SHE: variants seen among roughly 807,000 people sequenced by gnomAD.
SHE encodes the protein Src homology 2 domain containing E.
In SHE, 11 loss-of-function variants were observed where a neutral mutation model predicts 49.8. The ratio of observed to expected loss-of-function variants is 0.22; its 90% CI spans 0.14 to 0.37. The LOEUF is 0.37. SHE is among the 10% of genes least tolerant of loss of function. SHE has a pLI of 1.00. For missense variants in SHE, 624 were observed against 655.5 expected (o/e 0.95, Z 0.52); for synonymous variants, 310 against 278.1 (o/e 1.11, Z -1.14).
intron 2 of SHE, among the ~76,000 whole-genome samples, chr1:154,491,552 C>T (rs1281799692): frequency 6.6e-6 from 1 of 152,218 alleles, no homozygotes; most frequent in Non-Finnish European, 1.5e-5. Context: ...GCACTCTCAC[C>T]CTGCTCTTCT....
At chr1:154,474,455 C>T (rs1373977988) in intron 1 of SHE, among the ~76,000 whole-genome samples, 3 of 152,124 alleles carry the variant, frequency 2.0e-5, no homozygotes, top group Admixed American at 6.5e-5. Flanking sequence ...CCTGTTGGTT[C>T]CTTGGTATAA....
intron 2 of SHE, 104 bp downstream of exon 2, chr1:154,499,008 G>A (rs1692622442): frequency 3.5e-6 from 5 of 1,412,668 alleles, no homozygotes; most frequent in South Asian, 3.0e-5. Flanking sequence ...CAGGATCTGG[G>A]TAAATTGCTT....
intron 2 of SHE, among the ~76,000 whole-genome samples, chr1:154,494,683 G>T (rs943163758): frequency 6.6e-6 from 1 of 152,106 alleles, no homozygotes; most frequent in Non-Finnish European, 1.5e-5. Flanking sequence ...CTTGCTGAAT[G>T]ACATGGTATT....
chr1:154,477,045 C>T (rs1052821543), downstream of SHE, among the ~76,000 whole-genome samples: 4 of 152,188 alleles, frequency 2.6e-5, no homozygotes, highest in African/African-American at 7.2e-5. Context: ...TTTATCAGAG[C>T]TTAAATGACC....
rs1692497253 is a variant in SHE, at chr1:154,495,440, C to T, written c.718+3672G>A. Among the ~76,000 whole-genome samples, 3 of 152,170 alleles carry T rather than the reference C, an allele frequency of 2.0e-5. No homozygotes were observed. The South Asian group carries it at 6.2e-4, about 32-fold the overall frequency. ...ATCTCAGTGATAATTTACTCATAAA[C>T]TCATAAATTCTTAACTTTTAAAAGT... On this transcript the variant is annotated intron_variant, in intron 2 of 5. Transcript: ENST00000304760.
downstream of SHE, among the ~76,000 whole-genome samples, chr1:154,478,764 CTA>C (rs934803763): frequency 7.2e-5 from 11 of 152,222 alleles, no homozygotes; most frequent in African/African-American, 2.7e-4. Flanking sequence ...AACCATTACT[CTA>C]ATTGCTCGGG....
chr1:154,493,086 G>T (rs1294616898), intron 2 of SHE, among the ~76,000 whole-genome samples: 1 of 152,176 alleles, frequency 6.6e-6, no homozygotes, highest in Non-Finnish European at 1.5e-5. Context: ...TTGCAACGAG[G>T]TCCTTCTATT....
chr1:154,500,634 AC>A (rs1407673978), intron 1 of SHE, among the ~76,000 whole-genome samples: 1 of 152,216 alleles, frequency 6.6e-6, no homozygotes, highest in Non-Finnish European at 1.5e-5. Flanking sequence ...GATAAAAACA[AC>A]CAGATCGGAC....
intron 2 of SHE, among the ~76,000 whole-genome samples, chr1:154,492,281 T>G (rs942233651): frequency 6.6e-6 from 1 of 152,154 alleles, no homozygotes; most frequent in Non-Finnish European, 1.5e-5. Context: ...TGGATTAGTC[T>G]GGGGTACAGT....
chr1:154,496,280 AAAGT>A (rs1258113508), intron 2 of SHE, among the ~76,000 whole-genome samples: 2 of 152,254 alleles, frequency 1.3e-5, no homozygotes, highest in African/African-American at 4.8e-5. Flanking sequence ...ACTAGTTTAG[AAAGT>A]TAGTAATTTG....
chr1:154,497,328 C>A (rs1692561458), intron 2 of SHE, among the ~76,000 whole-genome samples: 1 of 152,250 alleles, frequency 6.6e-6, no homozygotes, highest in South Asian at 2.1e-4. Context: ...GAGACAAAGT[C>A]TTTCATGTGG....
At chr1:154,487,048 C>T (rs983712928) in intron 3 of SHE, among the ~76,000 whole-genome samples, 1 of 151,936 alleles carries the variant, frequency 6.6e-6, no homozygotes, top group African/African-American at 2.4e-5. Flanking sequence ...CCAAGGCAGG[C>T]AGATCACAAG....
chr1:154,490,737 T>A (rs1692335883), intron 2 of SHE, among the ~76,000 whole-genome samples: 1 of 151,406 alleles, frequency 6.6e-6, no homozygotes. Flanking sequence ...GTAGACATTT[T>A]AAAAGTAAGG....
At position 154,502,089 on chromosome 1, in the gene SHE, C is replaced by T. The variant is rs987033640; in HGVS notation, c.-63G>A. On this transcript the variant is annotated 5_prime_UTR_variant, in exon 1 of 6. Coordinates refer to ENST00000304760, the MANE Select transcript of SHE (RefSeq NM_001010846.3). ...CCGCGACGGCTGCTCCGTGCGCCCC[C>T]GGCCGGCCGTCGCCCACGCCCGGCA... 8.3e-7 allele frequency: 1 copy of T among 1,198,402 alleles called. No individual in the cohort carries two copies. Among genetic ancestry groups the T allele is most frequent in the African/African-American group, 1.6e-5 (1 of 63,212 alleles). The allele number at this position is 1,198,402 out of a possible 1,614,324, so 74.2% of individuals were successfully genotyped here. A position where few individuals can be genotyped will look rare whatever the true frequency, so the allele number is the denominator to read the frequency against.
At position 154,501,573 on chromosome 1, in the gene SHE, T is replaced by C; in HGVS notation, c.454A>G (p.Thr152Ala). 4 of 1,614,128 alleles carry C rather than the reference T, an allele frequency of 2.5e-6. No homozygotes were observed. The highest frequency in any genetic ancestry group is 1.7e-5 in the Admixed American group (1 of 60,008). ...TYINRLIKVD[T>A]QEKNGKSNYP... is the part of the protein sequence containing the mutation. ...TTGCTCTTCCCGTTCTTCTCCTGAG[T>C]GTCCACCTTGATGAGCCTGTTGATG... Residue 152 changes from threonine to alanine, a missense_variant, in exon 1 of 6, where the codon ACT becomes GCT. Transcript: ENST00000304760.
chr1:154,482,526 T>A lies in SHE; in HGVS notation c.*1623A>T, dbSNP rs1692048824. ...AACCAAATCAACATTTTGTGTGTATTTATAAGCTACAAAGGTTAACTTTTC... is the reference window on the plus strand; with the variant it reads ...AACCAAATCAACATTTTGTGTGTATATATAAGCTACAAAGGTTAACTTTTC... On this transcript the variant is annotated 3_prime_UTR_variant, in exon 6 of 6. Transcript: ENST00000304760. 1.0e-6 allele frequency: 1 copy of A among 985,442 alleles called. No homozygotes were observed. Among genetic ancestry groups the A allele is most frequent in the South Asian group, 4.7e-5 (1 of 21,294 alleles). 61.0% of individuals were successfully genotyped at this position (985,442 alleles called of 1,614,324 possible). A position where few individuals can be genotyped will look rare whatever the true frequency, so the allele number is the denominator to read the frequency against.
intron 2 of SHE, among the ~76,000 whole-genome samples, chr1:154,493,273 C>G (rs540391953): frequency 2.0e-5 from 3 of 152,344 alleles, no homozygotes; most frequent in African/African-American, 7.2e-5. Context: ...CACACCACCC[C>G]CCTCTTCAAG....
Position 154,480,063 on chromosome 1 carries a change from G to A in SHE, c.*4086C>T, listed in dbSNP as rs1691979116. ...ACACAGGGTCAGCGGTGGAGGGTAAGTTGAACAGAAGGCCCACTGCACAGC... is the reference window on the plus strand; with the variant it reads ...ACACAGGGTCAGCGGTGGAGGGTAAATTGAACAGAAGGCCCACTGCACAGC... On this transcript the variant is annotated 3_prime_UTR_variant, in exon 6 of 6. Coordinates refer to ENST00000304760, the MANE Select transcript of SHE (RefSeq NM_001010846.3). 7 of 985,522 alleles carry A rather than the reference G, an allele frequency of 7.1e-6. No individual in the cohort carries two copies. The highest frequency in any genetic ancestry group is 7.2e-6 in the Non-Finnish European group (6 of 829,954). The allele number at this position is 985,522 out of a possible 1,614,324, so 61.0% of individuals were successfully genotyped here.
intron 2 of SHE, among the ~76,000 whole-genome samples, chr1:154,497,926 G>A (rs990868493): frequency 5.3e-5 from 8 of 151,910 alleles, no homozygotes; most frequent in African/African-American, 1.5e-4. Flanking sequence ...CAGGTGATCG[G>A]CCCACCTCGG....
Sources: allele counts gnomAD v4.1 joint callset (sites outside exome capture counted in the v4.1 genomes callset), GRCh38; gene constraint gnomAD v4.1.1; transcripts MANE v1.5; gene names NCBI Gene and HGNC (gene_info 2026-07-23, HGNC 2026-07-21).